CNBD2: variants seen among roughly 807,000 people sequenced by gnomAD.
CNBD2 encodes the protein cyclic nucleotide binding domain containing 2, also known as cyclic nucleotide-binding domain-containing protein 2.
CNBD2 carries 64 observed loss-of-function variants against 63.7 expected under a neutral mutation model. The ratio of observed to expected loss-of-function variants is 1.00; its 90% confidence interval spans 0.82 to 1.24. The LOEUF is 1.24. Among genes scored for constraint, CNBD2 ranks in the 50% most tolerant of loss-of-function variants. The pLI is 0.00. For missense variants in CNBD2, 691 were observed against 713.5 expected, an observed-to-expected ratio of 0.97 and a Z score of 0.36; for synonymous variants, 229 against 255.4, an observed-to-expected ratio of 0.90 and a Z score of 0.99.
At chr20:35,965,183 CT>C (rs369573397), upstream of CNBD2, among the ~76,000 whole-genome samples, 899 of 138,010 alleles carry the variant, frequency 6.5e-3, no homozygotes, top group Middle Eastern at 0.019. Context: ...CCCTCTCTCT[CT>C]TTTTTTTTTT....
chr20:36,014,687 T>C (rs2057111778), intron 10 of CNBD2, among the ~76,000 whole-genome samples: 1 of 152,034 alleles, frequency 6.6e-6, no homozygotes, highest in South Asian at 2.1e-4. Flanking sequence ...TGGAGTGCAG[T>C]GGCAAGTGAT....
intron 7 of CNBD2, among the ~76,000 whole-genome samples, chr20:35,989,651 T>C (rs538163036): frequency 1.3e-5 from 2 of 152,258 alleles, no homozygotes; most frequent in South Asian, 4.1e-4. Context: ...TTTCAGGAAT[T>C]TTGGTAAACA....
intron 10 of CNBD2, among the ~76,000 whole-genome samples, chr20:36,018,895 TGAG>T (rs1230055892): frequency 6.6e-6 from 1 of 152,154 alleles, no homozygotes; most frequent in Non-Finnish European, 1.5e-5. Context: ...CATGGGAAAA[TGAG>T]GAGATTCATC....
chr20:36,011,008 CT>C, intron 9 of CNBD2, 128 bp from the exon 10 acceptor site: 1 of 1,010,164 alleles, frequency 9.9e-7, no homozygotes, highest in Non-Finnish European at 1.3e-6. Context: ...GTTTTCTCGC[CT>C]TCTGGGAAGT....
At chr20:35,978,814 G>C (rs2056558507) in intron 3 of CNBD2, among the ~76,000 whole-genome samples, 1 of 152,122 alleles carries the variant, frequency 6.6e-6, no homozygotes, top group African/African-American at 2.4e-5. Flanking sequence ...ATACAAAATA[G>C]TCTTATATAT....
chr20:35,956,574 T>C (rs1427496667), downstream of CNBD2, among the ~76,000 whole-genome samples: 1 of 152,236 alleles, frequency 6.6e-6, no homozygotes, highest in Admixed American at 6.5e-5. Context: ...TTTTCTCTCT[T>C]TTCTTTTTAG....
intron 4 of CNBD2, among the ~76,000 whole-genome samples, 192 bp from the exon 5 acceptor site, chr20:35,983,790 G>C (rs1423897420): frequency 6.6e-6 from 1 of 152,186 alleles, no homozygotes; most frequent in Non-Finnish European, 1.5e-5. Flanking sequence ...GTTCAACCGA[G>C]GCAGGCAACG....
At chr20:35,984,349 C>A (rs185654095) in intron 5 of CNBD2, among the ~76,000 whole-genome samples, 1 of 152,324 alleles carries the variant, frequency 6.6e-6, no homozygotes, top group Non-Finnish European at 1.5e-5. Flanking sequence ...CCTGATACAG[C>A]CCTTTAGAGA....
At chr20:35,984,226 C>A in intron 5 of CNBD2, 88 bp downstream of exon 5, 3 of 1,374,246 alleles carry the variant, frequency 2.2e-6, no homozygotes, top group South Asian at 1.4e-5. Flanking sequence ...CAGGCCCAGT[C>A]CTGCCTAGTA....
chr20:36,007,224 A>AT lies in CNBD2; in HGVS notation c.971-1072dup, dbSNP rs772459437. Among the ~76,000 whole-genome samples the AT allele has an allele frequency of 8.6e-5, 13 of 151,974 alleles. No homozygotes were observed. The East Asian group carries it at 2.5e-3, about 29-fold the overall frequency. The stretch of plus-strand genomic sequence containing the variant: ...AATAAATAAATAAATAAATAAGATC[A>AT]TACAGTATGGACTCTTGTTTCTGGC... On this transcript the variant is annotated intron_variant, in intron 8 of 11. Transcript: ENST00000373973.
chr20:36,008,453 AG>A lies in CNBD2; in HGVS notation c.1128del (p.Met377CysfsTer18). 6.2e-7 allele frequency: 1 copy of A among 1,612,172 alleles called. No individual in the cohort carries two copies. Among genetic ancestry groups the A allele is most frequent in the Non-Finnish European group, 8.5e-7 (1 of 1,179,528 alleles). ...AGAACCTCAGGAGACACTCTCCCCA[AG>A]ATGCTGGGCCCGAAGATCCAGTAAG... ...KIRTSGDTLP[K>X]MLGPKIQSRP... On this transcript the variant is annotated frameshift_variant, in exon 9 of 12. Transcript: ENST00000373973. LOFTEE classifies it high-confidence loss of function.
chr20:35,989,625 G>A (rs2056715385), intron 7 of CNBD2, among the ~76,000 whole-genome samples: 1 of 152,144 alleles, frequency 6.6e-6, no homozygotes. Flanking sequence ...CTGCCTATGA[G>A]AGCTGATTGT....
chr20:35,970,457 C>T (rs1319895602), intron 1 of CNBD2, among the ~76,000 whole-genome samples: 8 of 152,050 alleles, frequency 5.3e-5, no homozygotes, highest in Non-Finnish European at 1.0e-4. Context: ...AGTGCAGTGG[C>T]GCAATTTCAG....
At chr20:36,018,027 C>G (rs557299528) in intron 10 of CNBD2, among the ~76,000 whole-genome samples, 11 of 152,332 alleles carry the variant, frequency 7.2e-5, no homozygotes, top group Non-Finnish European at 1.6e-4. Flanking sequence ...GAAGATAGTA[C>G]AGAGAGTCCC....
At chr20:36,009,109 G>A (rs2590984) in intron 9 of CNBD2, among the ~76,000 whole-genome samples, 42,990 of 151,956 alleles carry the variant, frequency 0.28, 7,208 homozygotes, top group African/African-American at 0.46. Flanking sequence ...ACACAGGAGG[G>A]TCGCTTGAGC....
chr20:36,019,578 G>T (rs2057181019), intron 10 of CNBD2, among the ~76,000 whole-genome samples: 1 of 145,398 alleles, frequency 6.9e-6, no homozygotes, highest in Admixed American at 6.9e-5. Flanking sequence ...CGACCTGGCA[G>T]AAAAGTGTTC....
At chr20:36,007,514 T>C (rs8118743) in intron 8 of CNBD2, among the ~76,000 whole-genome samples, 6,064 of 152,168 alleles carry the variant, frequency 0.04, 264 homozygotes, top group African/African-American at 0.11. Flanking sequence ...GCTAGGCATA[T>C]CACATACTTT....
intron 7 of CNBD2, among the ~76,000 whole-genome samples, chr20:35,991,895 T>G (rs999707314): frequency 6.6e-6 from 1 of 152,110 alleles, no homozygotes; most frequent in Non-Finnish European, 1.5e-5. Context: ...ATTTTTTTTT[T>G]TTGAGATGGA....
chr20:36,030,175 A>G (rs1568939174), intron 11 of CNBD2, among the ~76,000 whole-genome samples, 182 bp from the exon 12 acceptor site: 1 of 152,174 alleles, frequency 6.6e-6, no homozygotes, highest in Non-Finnish European at 1.5e-5. Flanking sequence ...TTGCTACTAC[A>G]TGAGACAGCA....
Sources: gnomAD v4.1 joint callset for allele counts (sites outside exome capture counted in the v4.1 genomes callset) on GRCh38, gnomAD v4.1.1 for gene constraint, MANE v1.5 for transcripts, NCBI Gene and HGNC (gene_info 2026-07-23, HGNC 2026-07-21) for gene names.